The following RRAS2 variants were observed in gnomAD, a reference collection of about 807,000 sequenced individuals.
RRAS2 encodes the protein RAS related 2.
Under a neutral mutation model 27.6 loss-of-function variants are expected in RRAS2, and 7 were observed. The observed-to-expected ratio is 0.25, with a 90% CI of 0.14 to 0.48. RRAS2 has a LOEUF of 0.48. Among genes scored for constraint, RRAS2 ranks in the 20% least tolerant of loss-of-function variants. RRAS2 has a pLI of 0.99. For missense variants in RRAS2, 178 were observed against 256.2 expected, an observed-to-expected ratio of 0.69 and a Z score of 2.08; for synonymous variants, 86 against 90.9, an observed-to-expected ratio of 0.95 and a Z score of 0.31.
chr11:14,313,077 G>A (rs1306999821), intron 1 of RRAS2, among the ~76,000 whole-genome samples: 3 of 152,182 alleles, frequency 2.0e-5, no homozygotes, highest in African/African-American at 4.8e-5. Context: ...AGACTAGGTC[G>A]CTAGGGATAA....
Position 14,281,639 on chromosome 11 carries a change from C to T in RRAS2, c.490G>A (p.Val164Ile), listed in dbSNP as rs372963005. 6.2e-7 allele frequency: 1 copy of T among 1,603,368 alleles called. No individual in the cohort carries two copies. Among genetic ancestry groups the T allele is most frequent in the Non-Finnish European group, 8.5e-7 (1 of 1,176,558 alleles). ...ACAAGTTCATGGAAAGCTTGATCTACATTCATCCTAATCTTTGCTGATGCC... is the reference window on the plus strand; with the variant it reads ...ACAAGTTCATGGAAAGCTTGATCTATATTCATCCTAATCTTTGCTGATGCC... ...MEASAKIRMN[V>I]DQAFHELVRV... The change falls in exon 5 of 6, where the codon GTA (valine) becomes ATA (isoleucine). Residue 164 changes from valine (V) to isoleucine (I), a missense_variant. Coordinates refer to ENST00000256196, the MANE Select transcript of RRAS2 (RefSeq NM_012250.6).
At chr11:14,296,310 T>C (rs1325816110) in intron 1 of RRAS2, among the ~76,000 whole-genome samples, 1 of 152,330 alleles carries the variant, frequency 6.6e-6, no homozygotes, top group Admixed American at 6.5e-5. Context: ...ACATTTTCAC[T>C]GTACTAGGGT....
Position 14,328,924 on chromosome 11 carries a change from A to C in RRAS2, c.108+29839T>G, listed in dbSNP as rs143277481. The stretch of plus-strand genomic sequence containing the variant: ...GGTGATCCACCGGCCTCGGCCTCCC[A>C]AAGTGCTGGGATTACAAGTGTGAGC... On this transcript the variant is annotated intron_variant, in intron 1 of 5. Coordinates refer to ENST00000256196, the MANE Select transcript of RRAS2 (RefSeq NM_012250.6). Among the ~76,000 whole-genome samples the C allele has an allele frequency of 9.3e-3, 1,417 of 151,736 alleles. 25 individuals carry two copies. Among genetic ancestry groups the C allele is most frequent in the African/African-American group, 0.033 (1,347 of 41,368 alleles).
At chr11:14,340,861 A>T (rs1425292266) in intron 1 of RRAS2, among the ~76,000 whole-genome samples, 1 of 152,212 alleles carries the variant, frequency 6.6e-6, no homozygotes, top group African/African-American at 2.4e-5. Flanking sequence ...CTGTAAATCT[A>T]AAGATGGAGA....
chr11:14,286,389 C>G (rs1250532694), intron 4 of RRAS2, among the ~76,000 whole-genome samples: 1 of 152,158 alleles, frequency 6.6e-6, no homozygotes, highest in Non-Finnish European at 1.5e-5. Context: ...AGGTCATGCT[C>G]TAGGTTTTGT....
intron 1 of RRAS2, among the ~76,000 whole-genome samples, chr11:14,299,482 G>A (rs1847641900): frequency 6.6e-6 from 1 of 152,146 alleles, no homozygotes; most frequent in Non-Finnish European, 1.5e-5. Context: ...ATGGCTCCCT[G>A]CTGCTTACAG....
At chr11:14,351,392 T>C (rs1848947796) in intron 1 of RRAS2, among the ~76,000 whole-genome samples, 1 of 152,098 alleles carries the variant, frequency 6.6e-6, no homozygotes, top group Non-Finnish European at 1.5e-5. Flanking sequence ...TAATAACAAA[T>C]CAATGTTAAT....
upstream of RRAS2, among the ~76,000 whole-genome samples, chr11:14,364,031 T>A (rs999972709): frequency 4.5e-4 from 69 of 151,922 alleles, no homozygotes; most frequent in African/African-American, 1.2e-3. Flanking sequence ...AATCACACCA[T>A]TGCACTCCAG....
chr11:14,333,728 G>A (rs948269819), intron 1 of RRAS2, among the ~76,000 whole-genome samples: 1 of 139,944 alleles, frequency 7.1e-6, no homozygotes, highest in East Asian at 2.5e-4. Flanking sequence ...CTGCAACCTC[G>A]ACTTCCCTAG....
At chr11:14,318,143 A>G (rs961268158) in intron 1 of RRAS2, among the ~76,000 whole-genome samples, 9 of 152,172 alleles carry the variant, frequency 5.9e-5, no homozygotes, top group Admixed American at 4.6e-4. Flanking sequence ...TAAACCCTAG[A>G]GAAATACCTG....
At chr11:14,306,287 T>A (rs1847828697) in intron 1 of RRAS2, among the ~76,000 whole-genome samples, 1 of 152,152 alleles carries the variant, frequency 6.6e-6, no homozygotes, top group Admixed American at 6.5e-5. Context: ...TGGATATAAA[T>A]CCCTTATCAG....
chr11:14,285,943 C>T (rs971105438), intron 4 of RRAS2, among the ~76,000 whole-genome samples: 2 of 151,894 alleles, frequency 1.3e-5, no homozygotes, highest in African/African-American at 4.8e-5. Flanking sequence ...TCTTGTGCTC[C>T]GGGTTTGTTG....
chr11:14,299,460 C>A (rs377021409), intron 1 of RRAS2, among the ~76,000 whole-genome samples: 2 of 152,186 alleles, frequency 1.3e-5, no homozygotes, highest in African/African-American at 4.8e-5. Context: ...CTCTAGAGAA[C>A]ATATAAATTA....
At chr11:14,359,407 T>C (rs1554955975), upstream of RRAS2, among the ~76,000 whole-genome samples, 2 of 152,168 alleles carry the variant, frequency 1.3e-5, no homozygotes, top group African/African-American at 4.8e-5. Context: ...TAATTGTCTA[T>C]GTAAGGGATT....
At chr11:14,361,544 C>T (rs1480614888), upstream of RRAS2, among the ~76,000 whole-genome samples, 1 of 152,100 alleles carries the variant, frequency 6.6e-6, no homozygotes, top group Non-Finnish European at 1.5e-5. Context: ...AAAAGTACAT[C>T]GAAATACTGC....
At chr11:14,308,523 A>G (rs1554948424) in intron 1 of RRAS2, among the ~76,000 whole-genome samples, 1 of 152,200 alleles carries the variant, frequency 6.6e-6, no homozygotes, top group African/African-American at 2.4e-5. Context: ...TAGCTCCTAC[A>G]ATATGCCAAA....
chr11:14,358,319 C>T lies in RRAS2; in HGVS notation c.108+444G>A, dbSNP rs978013537. Reference sequence around the variant, plus strand: ...GCCCGGAGACCACGCGGAGCCGCGGCCAAGTTGCCACCGCTATCGCCCCGA... The same window carrying T: ...GCCCGGAGACCACGCGGAGCCGCGGTCAAGTTGCCACCGCTATCGCCCCGA... On this transcript the variant is annotated intron_variant, in intron 1 of 5. Coordinates refer to ENST00000256196, the MANE Select transcript of RRAS2 (RefSeq NM_012250.6). The surrounding 1 kb of genome is among the most constrained non-coding windows in gnomAD (Gnocchi z 5.1). 4 of 985,420 alleles carry T rather than the reference C, an allele frequency of 4.1e-6. No homozygotes were observed. The highest frequency in any genetic ancestry group is 3.6e-6 in the Non-Finnish European group (3 of 830,028). 61.0% of individuals were successfully genotyped at this position (985,420 alleles called of 1,614,324 possible). A position where few individuals can be genotyped will look rare whatever the true frequency, so the allele number is the denominator to read the frequency against.
intron 1 of RRAS2, among the ~76,000 whole-genome samples, chr11:14,328,891 C>T (rs1480732148): frequency 6.7e-6 from 1 of 149,798 alleles, no homozygotes; most frequent in Non-Finnish European, 1.5e-5. Context: ...CTCAAACTGC[C>T]AACCTCAGGT....
intron 1 of RRAS2, among the ~76,000 whole-genome samples, chr11:14,325,743 G>C (rs1180800142): frequency 2.0e-5 from 3 of 152,098 alleles, no homozygotes; most frequent in South Asian, 4.2e-4. Context: ...TTTAATGTTT[G>C]CTTTAAAATT....
Sources: gnomAD v4.1 joint callset for allele counts (sites outside exome capture counted in the v4.1 genomes callset) on GRCh38, gnomAD v4.1.1 for gene constraint, Gnocchi (gnomAD v3.1) non-coding constraint, MANE v1.5 for transcripts, NCBI Gene and HGNC (gene_info 2026-07-23, HGNC 2026-07-21) for gene names.